PPP2R2B: variants seen among roughly 807,000 people sequenced by gnomAD.
PPP2R2B encodes the protein protein phosphatase 2 regulatory subunit Bbeta, also known as serine/threonine-protein phosphatase 2A 55 kDa regulatory subunit B beta isoform.
In PPP2R2B, 5 loss-of-function variants were observed where a neutral mutation model predicts 46.0. The ratio of observed to expected loss-of-function variants is 0.11; its 90% confidence interval spans 0.06 to 0.23. The LOEUF (loss-of-function observed/expected upper bound fraction) is 0.23, where lower values mean the gene tolerates loss of function less well. PPP2R2B is among the 10% of genes least tolerant of loss of function. PPP2R2B has a pLI of 1.00. For missense variants in PPP2R2B, 367 were observed against 575.0 expected (o/e 0.64, Z 3.70); for synonymous variants, 215 against 206.7 (o/e 1.04, Z -0.34).
intron 2 of PPP2R2B, among the ~76,000 whole-genome samples, chr5:146,872,691 A>G (rs1488722842): frequency 1.3e-5 from 2 of 152,058 alleles, no homozygotes; most frequent in Non-Finnish European, 1.5e-5. Flanking sequence ...GACGTTCTAA[A>G]CTCAACTCAT....
intron 5 of PPP2R2B, among the ~76,000 whole-genome samples, chr5:146,684,831 C>G (rs1224311078): frequency 6.6e-6 from 1 of 152,174 alleles, no homozygotes; most frequent in Non-Finnish European, 1.5e-5. Context: ...TGGGAGGGGC[C>G]TTGTCAAAGA....
intron 2 of PPP2R2B, among the ~76,000 whole-genome samples, chr5:146,844,686 G>C (rs1759878497): frequency 6.6e-6 from 1 of 152,212 alleles, no homozygotes. Flanking sequence ...CCTTTACAAA[G>C]AGCAGCTCAA....
At position 146,707,539 on chromosome 5, in the gene PPP2R2B, G is replaced by A. The variant is rs1779938384; in HGVS notation, c.71-6397C>T. On this transcript the variant is annotated intron_variant, in intron 2 of 9. Transcript: ENST00000394411. ...CAGGCCCACTCGTGTAGGAGCAGCT[G>A]CAGAAGGCCCGGGTGCCAGAGGTGG... The A allele has an allele frequency of 8.3e-6, 6 of 725,246 alleles. No individual in the cohort carries two copies. In the South Asian group the frequency reaches 8.6e-5, roughly 10 times the overall value. 44.9% of individuals were successfully genotyped at this position (725,246 alleles called of 1,614,324 possible).
chr5:146,772,264 T>A (rs1348945859), intron 2 of PPP2R2B, among the ~76,000 whole-genome samples: 1 of 151,788 alleles, frequency 6.6e-6, no homozygotes, highest in African/African-American at 2.4e-5. Context: ...CAGGTACTGT[T>A]TAGGGAGTGG....
chr5:146,620,826 C>T (rs1773619405), intron 7 of PPP2R2B, among the ~76,000 whole-genome samples: 2 of 152,166 alleles, frequency 1.3e-5, no homozygotes. Flanking sequence ...CAAGAGAAGC[C>T]CGAACTCCCT....
chr5:146,915,532 C>T (rs796103628), intron 1 of PPP2R2B, among the ~76,000 whole-genome samples: 37 of 152,170 alleles, frequency 2.4e-4, no homozygotes, highest in African/African-American at 8.9e-4. Context: ...ATAACAATTG[C>T]CACTATGTGA....
chr5:146,947,712 C>T (rs1380343111), intron 1 of PPP2R2B, among the ~76,000 whole-genome samples: 4 of 151,860 alleles, frequency 2.6e-5, no homozygotes, highest in South Asian at 4.1e-4. Flanking sequence ...GATCTAACGG[C>T]CATATGCACC....
chr5:146,887,522 T>C (rs1272793977), intron 1 of PPP2R2B, among the ~76,000 whole-genome samples: 1 of 152,164 alleles, frequency 6.6e-6, no homozygotes, highest in Non-Finnish European at 1.5e-5. Flanking sequence ...TGCAGAATAG[T>C]AATTTTGAAT....
chr5:146,938,453 G>A lies in PPP2R2B; in HGVS notation c.79+117212C>T, dbSNP rs570810340. On this transcript the variant is annotated intron_variant, in intron 1 of 8. Coordinates refer to the PPP2R2B transcript ENST00000336640. ...AAAAGATTCTGCAAACTCTGACCTA[G>A]CAATTATATCTCTAAGTCTGTGGGT... is the stretch of plus-strand genomic sequence containing the variant. 2.4e-3 allele frequency among the ~76,000 whole-genome samples: 362 copies of A among 151,978 alleles called. 2 individuals are homozygous for A. The highest frequency in any genetic ancestry group is 8.4e-3 in the African/African-American group (349 of 41,426).
chr5:146,785,820 A>G (rs1215941693), intron 2 of PPP2R2B, among the ~76,000 whole-genome samples: 1 of 152,160 alleles, frequency 6.6e-6, no homozygotes, highest in Non-Finnish European at 1.5e-5. Flanking sequence ...CATGGGAGCT[A>G]AAAAAGTTGA....
chr5:146,905,040 G>A (rs675846), intron 1 of PPP2R2B, among the ~76,000 whole-genome samples: 70,183 of 152,026 alleles, frequency 0.46, 17,468 homozygotes, highest in East Asian at 0.7. Flanking sequence ...TGGCAAATAA[G>A]CACCTGAAAA....
At chr5:146,601,723 A>C (rs1048820655) in intron 7 of PPP2R2B, among the ~76,000 whole-genome samples, 2 of 152,230 alleles carry the variant, frequency 1.3e-5, no homozygotes, top group Non-Finnish European at 2.9e-5. Flanking sequence ...AAATTTGTAT[A>C]AACTTAATGG....
chr5:146,944,057 C>T (rs1233029832), intron 1 of PPP2R2B, among the ~76,000 whole-genome samples: 1 of 152,176 alleles, frequency 6.6e-6, no homozygotes, highest in Non-Finnish European at 1.5e-5. Flanking sequence ...AGACCAGCCT[C>T]CTCATCCTTA....
chr5:146,750,095 T>A (rs201139552), intron 2 of PPP2R2B, among the ~76,000 whole-genome samples: 28 of 123,050 alleles, frequency 2.3e-4, no homozygotes, highest in South Asian at 5.9e-4. Flanking sequence ...ACAAACAAAC[T>A]GAGTTGAACA....
intron 5 of PPP2R2B, among the ~76,000 whole-genome samples, chr5:146,667,642 G>A (rs1777088527): frequency 6.6e-6 from 1 of 152,018 alleles, no homozygotes; most frequent in African/African-American, 2.4e-5. Context: ...CTGAAATGGA[G>A]CATATGAAAT....
At chr5:147,011,141 A>G (rs747288322) in intron 1 of PPP2R2B, among the ~76,000 whole-genome samples, 2 of 152,042 alleles carry the variant, frequency 1.3e-5, no homozygotes, top group Non-Finnish European at 2.9e-5. Flanking sequence ...TTTATATGTC[A>G]CAGGCACACT....
At chr5:146,656,283 A>T (rs536280460) in intron 5 of PPP2R2B, 1 of 152,568 alleles carries the variant, frequency 6.6e-6, no homozygotes, top group East Asian at 1.9e-4. Flanking sequence ...GGAGCCATGC[A>T]GCAATGTGGG....
chr5:146,659,816 T>G (rs147514054), intron 5 of PPP2R2B, among the ~76,000 whole-genome samples: 128 of 152,332 alleles, frequency 8.4e-4, no homozygotes, highest in Non-Finnish European at 1.6e-3. Flanking sequence ...CTATGGTAGC[T>G]ATTATTAGCA....
intron 1 of PPP2R2B, among the ~76,000 whole-genome samples, chr5:146,967,381 G>A (rs1036565418): frequency 6.6e-6 from 1 of 152,074 alleles, no homozygotes; most frequent in South Asian, 2.1e-4. Context: ...TGCCAGGCAG[G>A]GTTCAAATGA....
Sources: allele counts gnomAD v4.1 joint callset (sites outside exome capture counted in the v4.1 genomes callset), GRCh38; gene constraint gnomAD v4.1.1; transcripts MANE v1.5; gene names NCBI Gene and HGNC (gene_info 2026-07-23, HGNC 2026-07-21).